The following SFTPA2 variants were observed in gnomAD, a reference collection of about 807,000 sequenced individuals.
The protein encoded by SFTPA2 is pulmonary surfactant-associated protein A2.
A neutral mutation model predicts 20.3 loss-of-function variants in SFTPA2; 21 were observed. The ratio of observed to expected loss-of-function variants is 1.03; its 90% CI spans 0.73 to 1.49. The LOEUF is 1.49. SFTPA2 is among the 40% of genes most tolerant of loss of function. SFTPA2 has a pLI of 0.00. For missense variants in SFTPA2, 302 were observed against 314.8 expected, an observed-to-expected ratio of 0.96 and a Z score of 0.31; for synonymous variants, 116 against 118.7, an observed-to-expected ratio of 0.98 and a Z score of 0.15.
chr10:79,558,157 G>T, intron 4 of SFTPA2, 28 bp from the exon 5 acceptor site: 1 of 1,613,904 alleles, frequency 6.2e-7, no homozygotes, highest in Non-Finnish European at 8.5e-7. Context: ...CACAGAAGGA[G>T]GGGCAGGCCA....
In SFTPA2 at chr10:79,559,404, A is replaced by G. The variant is rs1859044043; in HGVS notation, c.80T>C (p.Val27Ala). The G allele has an allele frequency of 6.2e-7, 1 of 1,613,764 alleles. No individual in the cohort carries two copies. Among genetic ancestry groups the G allele is most frequent in the Non-Finnish European group, 8.5e-7 (1 of 1,179,806 alleles). ...GAACEVKDVC[V>A]GSPGIPGTPG... Reference sequence around the variant, plus strand: ...AGTGCCGGGGATACCAGGGCTTCCAACACAAACGTCCTTCACTTCGCACGC... The same window carrying G: ...AGTGCCGGGGATACCAGGGCTTCCAGCACAAACGTCCTTCACTTCGCACGC... Residue 27 changes from valine (V) to alanine (A), a missense_variant, in exon 3 of 6, where the codon GTT becomes GCT. Physicochemically the swap from Val to Ala is moderately conservative, Grantham distance 64. This residue lies in a region of SFTPA2 where 7 missense variants were observed against 23.4 expected (regional missense o/e 0.30). Transcript: ENST00000372325.
chr10:79,557,087 T>C lies in SFTPA2; in HGVS notation c.*122A>G, dbSNP rs975768030. 6.2e-4 allele frequency: 970 copies of C among 1,554,906 alleles called. 4 individuals carry two copies. The African/African-American group carries it at 0.011, about 18-fold the overall frequency. On this transcript the variant is annotated 3_prime_UTR_variant, in exon 6 of 6. Coordinates refer to ENST00000372325, the MANE Select transcript of SFTPA2 (RefSeq NM_001098668.4). The stretch of plus-strand genomic sequence containing the variant: ...TGAAGTGGCTAAGGGTGCCTCCAGC[T>C]CTAATAGCCACAAGTGAATTCTGTT...
chr10:79,557,978 C>A (rs1370155536), intron 5 of SFTPA2, 74 bp downstream of exon 5: 8 of 1,606,148 alleles, frequency 5.0e-6, no homozygotes, highest in Non-Finnish European at 6.0e-6. Flanking sequence ...CATCTCTATT[C>A]TAGAAGGTGG....
chr10:79,560,151 G>T, intron 1 of SFTPA2, 153 bp from the exon 2 acceptor site: 1 of 375,474 alleles, frequency 2.7e-6, no homozygotes, highest in Non-Finnish European at 3.7e-6. Context: ...CTGAGTCCCT[G>T]GTAGGGATGG....
chr10:79,560,352 G>A lies in SFTPA2; in HGVS notation c.-54+12C>T, dbSNP rs957060590. 6.6e-6 allele frequency: 1 copy of A among 152,656 alleles called. No homozygotes were observed. The highest frequency in any genetic ancestry group is 2.4e-5 in the African/African-American group (1 of 41,444). The allele number at this position is 152,656 out of a possible 1,614,324, so 9.5% of individuals were successfully genotyped here. A position where few individuals can be genotyped will look rare whatever the true frequency, so the allele number is the denominator to read the frequency against. On this transcript the variant is annotated intron_variant, in intron 1 of 5. Coordinates refer to ENST00000372325, the MANE Select transcript of SFTPA2 (RefSeq NM_001098668.4). Reference sequence around the variant, plus strand: ...AAGCTGGAGAACACCTAGGGGATGTGGCTAAACTCACCCACACACAGAGCC... The same window carrying A: ...AAGCTGGAGAACACCTAGGGGATGTAGCTAAACTCACCCACACACAGAGCC...
intron 1 of SFTPA2, 85 bp from the exon 2 acceptor site, chr10:79,560,083 T>A (rs144728122): frequency 1.0e-6 from 1 of 985,178 alleles, no homozygotes; most frequent in African/African-American, 1.7e-5. Context: ...TCACAGTCAG[T>A]GATGAGGTCT....
chr10:79,557,435 A>G lies in SFTPA2; in HGVS notation c.521T>C (p.Ile174Thr). The change falls in exon 6 of 6, where the codon ATT becomes ACT. Residue 174 changes from isoleucine to threonine, a missense_variant. Coordinates refer to ENST00000372325, the MANE Select transcript of SFTPA2 (RefSeq NM_001098668.4). ...VPRNPEENEA[I>T]ASFVKKYNTY... ...GTTGTACTTCTTCACGAAGCTTGCA[A>G]TGGCCTCATTTTCCTCTGGATTCCT... 2 of 1,613,814 alleles carry G rather than the reference A, an allele frequency of 1.2e-6. No homozygotes were observed. Among genetic ancestry groups the G allele is most frequent in the Non-Finnish European group, 1.7e-6 (2 of 1,179,818 alleles).
Position 79,558,958 on chromosome 10 carries a change from CA to C in SFTPA2, c.219del (p.Asn73LysfsTer31). The C allele has an allele frequency of 6.2e-7, 1 of 1,614,154 alleles. No individual in the cohort carries two copies. Among genetic ancestry groups the C allele is most frequent in the East Asian group, 2.2e-5 (1 of 44,874 alleles). On this transcript the variant is annotated frameshift_variant, in exon 4 of 6. Coordinates refer to ENST00000372325, the MANE Select transcript of SFTPA2 (RefSeq NM_001098668.4). LOFTEE classifies it high-confidence loss of function. The stretch of plus-strand genomic sequence containing the variant: ...GGGACACCAGGGGCTCCAGGCAGCC[CA>C]TTATTCCCAGGAGGACATGGTGTTT... Reference protein sequence around the residue: ...PGETPCPPGNNGLPGAPGVPG... With the variant: ...PGETPCPPGNXGLPGAPGVPG...
chr10:79,556,757 A>G lies in SFTPA2; in HGVS notation c.*452T>C. ...TCCCTGAAATCTGCCTCTCTCTGTC[A>G]TTATGCTTGGCCGGTACTGCTCATC... is the stretch of plus-strand genomic sequence containing the variant. On this transcript the variant is annotated 3_prime_UTR_variant, in exon 6 of 6. Transcript: ENST00000372325. 1 of 259,728 alleles carries G rather than the reference A, an allele frequency of 3.9e-6. No individual in the cohort carries two copies. The highest frequency in any genetic ancestry group is 5.9e-5 in the South Asian group (1 of 16,968). The allele number at this position is 259,728 out of a possible 1,614,324, so 16.1% of individuals were successfully genotyped here.
Position 79,558,098 on chromosome 10 carries a change from T to A in SFTPA2, c.324A>T (p.Gln108His), listed in dbSNP as rs1858909353. The A allele has an allele frequency of 6.2e-7, 1 of 1,613,942 alleles. No homozygotes were observed. Among genetic ancestry groups the A allele is most frequent in the African/African-American group, 1.3e-5 (1 of 74,892 alleles). ...GLPAHLDEELQATLHDFRHQI... is the reference protein window; with the variant it reads ...GLPAHLDEELHATLHDFRHQI... ...GATGTCTGAAGTCGTGGAGTGTGGC[T>A]TGGAGCTCCTCATCTAGATGAGCTG... The change falls in exon 5 of 6, where the codon CAA becomes CAT. Residue 108 changes from glutamine to histidine, a missense_variant. Transcript: ENST00000372325.
intron 3 of SFTPA2, 67 bp from the exon 4 acceptor site, chr10:79,559,072 C>T (rs1360546513): frequency 1.7e-5 from 27 of 1,613,604 alleles, no homozygotes; most frequent in Middle Eastern, 1.7e-4. Flanking sequence ...TAGTGAGACT[C>T]GATGCCCATT....
rs150715825 is a variant in SFTPA2 at position 79,559,387 on chromosome 10, G to A, written c.97C>T (p.Pro33Ser). The stretch of plus-strand genomic sequence containing the variant: ...AGGCCGTGGGATCCAGGAGTGCCGG[G>A]GATACCAGGGCTTCCAACACAAACG... ...KDVCVGSPGI[P>S]GTPGSHGLPG... Residue 33 changes from proline to serine, a missense_variant, in exon 3 of 6, where the codon CCC becomes TCC. Physicochemically the swap from Pro to Ser is moderately conservative, Grantham distance 74. Transcript: ENST00000372325. 8.7e-6 allele frequency: 14 copies of A among 1,613,616 alleles called. No individual in the cohort carries two copies. Among genetic ancestry groups the A allele is most frequent in the Admixed American group, 1.7e-5 (1 of 59,982 alleles).
Position 79,558,105 on chromosome 10 carries a change from T to G in SFTPA2, c.317A>C (p.Glu106Ala). Residue 106 changes from glutamate to alanine, a missense_variant, in exon 5 of 6, where the codon GAG becomes GCG. Glu to Ala is a moderately radical substitution (Grantham distance 107). This residue lies in a region of SFTPA2 where 264 missense variants were observed against 261.7 expected (regional missense o/e 1.01). Coordinates refer to ENST00000372325, the MANE Select transcript of SFTPA2 (RefSeq NM_001098668.4). ...PPGLPAHLDEELQATLHDFRH... is the reference protein window; with the variant it reads ...PPGLPAHLDEALQATLHDFRH... ...GAAGTCGTGGAGTGTGGCTTGGAGC[T>G]CCTCATCTAGATGAGCTGGAAGCCC... The G allele has an allele frequency of 6.2e-7, 1 of 1,613,954 alleles. No individual in the cohort carries two copies. The highest frequency in any genetic ancestry group is 1.1e-5 in the South Asian group (1 of 91,054).
intron 4 of SFTPA2, 115 bp downstream of exon 4, chr10:79,558,770 GA>G: frequency 6.4e-7 from 1 of 1,561,486 alleles, no homozygotes; most frequent in Non-Finnish European, 8.8e-7. Flanking sequence ...TACTTAGGTT[GA>G]GCCAAATGCC....
At chr10:79,560,024 G>A (rs908023279) in intron 1 of SFTPA2, 26 bp from the exon 2 acceptor site, 4 of 1,145,440 alleles carry the variant, frequency 3.5e-6, no homozygotes, top group East Asian at 5.9e-5. Context: ...GATGAATAGG[G>A]CCCACAGCCT....
intron 1 of SFTPA2, 56 bp from the exon 2 acceptor site, chr10:79,560,054 T>C (rs1050393529): frequency 1.6e-5 from 17 of 1,063,584 alleles, no homozygotes; most frequent in African/African-American, 1.7e-5. Flanking sequence ...AAGGTGATCA[T>C]CGGGGGGTGA....
chr10:79,558,092 T>C lies in SFTPA2; in HGVS notation c.330A>G (p.Thr110=). 6.2e-7 allele frequency: 1 copy of C among 1,614,000 alleles called. No individual in the cohort carries two copies. ...GGATTTGATGTCTGAAGTCGTGGAG[T>C]GTGGCTTGGAGCTCCTCATCTAGAT... is the stretch of plus-strand genomic sequence containing the variant. The part of the protein sequence containing the change: ...PAHLDEELQA[T]LHDFRHQILQ... Residue 110 remains threonine (T), a synonymous_variant, in exon 5 of 6, where the codon ACA becomes ACG. Coordinates refer to ENST00000372325, the MANE Select transcript of SFTPA2 (RefSeq NM_001098668.4).
chr10:79,558,044 C>T lies in SFTPA2; in HGVS notation c.370+8G>A, dbSNP rs1456126917. ...TCCTACCCCGTGAGGCCCAGGGGGT[C>T]CCCTTACCTCCCCTTGTCTGCAGGA... On this transcript the variant is annotated splice_region_variant and intron_variant, in intron 5 of 5. Transcript: ENST00000372325. The T allele has an allele frequency of 2.5e-6, 4 of 1,613,976 alleles. No homozygotes were observed. The highest frequency in any genetic ancestry group is 3.4e-6 in the Non-Finnish European group (4 of 1,180,016).
rs774679405 is a variant in SFTPA2, at chr10:79,558,092, T to G, written c.330A>C (p.Thr110=). ...PAHLDEELQA[T]LHDFRHQILQ... is the part of the protein sequence containing the mutation. ...GGATTTGATGTCTGAAGTCGTGGAG[T>G]GTGGCTTGGAGCTCCTCATCTAGAT... Residue 110 remains threonine (T), a synonymous_variant, in exon 5 of 6, where the codon ACA becomes ACC. Transcript: ENST00000372325. The G allele has an allele frequency of 2.4e-5, 39 of 1,613,882 alleles. No homozygotes were observed. Among genetic ancestry groups the G allele is most frequent in the Non-Finnish European group, 1.9e-5 (22 of 1,179,996 alleles).
Sources: gnomAD v4.1 joint callset for allele counts on GRCh38, gnomAD v4.1.1 for gene constraint, gnomAD v4.1.1 regional missense constraint, MANE v1.5 for transcripts, NCBI Gene and HGNC (gene_info 2026-07-23, HGNC 2026-07-21) for gene names.